The following PPOX variants were observed in gnomAD, a reference collection of about 807,000 sequenced individuals.
PPOX encodes the protein protoporphyrinogen oxidase.
Under a neutral mutation model 54.1 loss-of-function variants are expected in PPOX, and 23 were observed. The ratio of observed to expected loss-of-function variants is 0.43; its 90% CI spans 0.31 to 0.60. The LOEUF (loss-of-function observed/expected upper bound fraction) is 0.60. Ranked by LOEUF, PPOX falls within the 20% of genes least tolerant of loss-of-function variation. The pLI is 0.13. For missense variants in PPOX, 512 were observed against 601.1 expected (o/e 0.85, Z 1.55); for synonymous variants, 224 against 236.1 (o/e 0.95, Z 0.47).
intron 4 of PPOX, 27 bp downstream of exon 4, chr1:161,167,513 A>ACTGTGCCCT: frequency 6.4e-7 from 1 of 1,569,738 alleles, no homozygotes; most frequent in South Asian, 1.1e-5. Flanking sequence ...CGCTCCTTTT[A>ACTGTGCCCT]CTGTGCCCTC....
downstream of PPOX, chr1:161,175,293 T>G: frequency 7.0e-7 from 1 of 1,429,924 alleles, no homozygotes. Context: ...AAACTAGGGT[T>G]TGGGAATACC....
chr1:161,176,310 C>T (rs1299075099), intron 4 of PPOX: 5 of 575,358 alleles, frequency 8.7e-6, no homozygotes, highest in Non-Finnish European at 1.5e-5. Flanking sequence ...CCCCAAACCA[C>T]TCCCACCATC....
At chr1:161,166,128 A>C (rs1292388621), upstream of PPOX, 1 of 985,196 alleles carries the variant, frequency 1.0e-6, no homozygotes, top group Non-Finnish European at 1.2e-6. Flanking sequence ...CTACGACCAA[A>C]GCTCCTGCGG....
At chr1:161,173,133 T>C (rs1260497323), downstream of PPOX, among the ~76,000 whole-genome samples, 7 of 152,218 alleles carry the variant, frequency 4.6e-5, no homozygotes, top group Non-Finnish European at 1.5e-5. Context: ...CAAATATTCA[T>C]ACCACAGACA....
Position 161,167,104 on chromosome 1 carries a change from T to C in PPOX, c.92T>C (p.Val31Ala), listed in dbSNP as rs1317729795. ...GTCTCTCCCTCTTGTCGCCAGGTGGTCCTAGTGGAGAGCAGTGAGCGTCTG... is the reference window on the plus strand; with the variant it reads ...GTCTCTCCCTCTTGTCGCCAGGTGGCCCTAGTGGAGAGCAGTGAGCGTCTG... ...LSRAPCPPKV[V>A]LVESSERLGG... Residue 31 changes from valine to alanine, a missense_variant, in exon 3 of 13, where the codon GTC (valine) becomes GCC (alanine). Coordinates refer to ENST00000367999, the MANE Select transcript of PPOX (RefSeq NM_001122764.3). The C allele has an allele frequency of 1.9e-6, 3 of 1,614,006 alleles. No homozygotes were observed. Among genetic ancestry groups the C allele is most frequent in the African/African-American group, 2.7e-5 (2 of 74,896 alleles).
chr1:161,176,921 A>C (rs1372232931), exon 5 of PPOX: 2 of 1,536,202 alleles, frequency 1.3e-6, no homozygotes, highest in South Asian at 2.4e-5. Flanking sequence ...CCCAGGGCGA[A>C]GTAGGAAACA....
chr1:161,166,475 T>A lies in PPOX; in HGVS notation c.-206T>A. 2 of 1,247,900 alleles carry A rather than the reference T, an allele frequency of 1.6e-6. No individual in the cohort carries two copies. Among genetic ancestry groups the A allele is most frequent in the Non-Finnish European group, 2.0e-6 (2 of 983,042 alleles). The allele number at this position is 1,247,900 out of a possible 1,614,324, so 77.3% of individuals were successfully genotyped here. On this transcript the variant is annotated 5_prime_UTR_variant, in exon 1 of 13. In the 5' UTR this introduces an upstream ATG that the reference lacks. Transcript: ENST00000367999. ...AAGGCTGGGGGTGGGAGTAGCGGATTTGAAGCACTTGTTGGCCTACAGAGG... is the reference window on the plus strand; with the variant it reads ...AAGGCTGGGGGTGGGAGTAGCGGATATGAAGCACTTGTTGGCCTACAGAGG...
chr1:161,167,900 G>T, intron 4 of PPOX, 95 bp from the exon 5 acceptor site: 1 of 1,589,716 alleles, frequency 6.3e-7, no homozygotes, highest in Non-Finnish European at 8.6e-7. Context: ...AGCCTTCCCA[G>T]CAAAAGGAAG....
chr1:161,168,291 G>A, intron 5 of PPOX, 141 bp from the exon 6 acceptor site: 1 of 1,548,968 alleles, frequency 6.5e-7, no homozygotes. Flanking sequence ...TGGGAGTGAA[G>A]GCCTTCATTT....
At chr1:161,172,528 C>T (rs1158693827), downstream of PPOX, 3 of 580,312 alleles carry the variant, frequency 5.2e-6, no homozygotes, top group East Asian at 8.9e-5. Flanking sequence ...ATCCTCAGGG[C>T]CCAGTGCCAG....
chr1:161,171,284 C>T, downstream of PPOX: 2 of 1,566,586 alleles, frequency 1.3e-6, no homozygotes, highest in Non-Finnish European at 8.7e-7. Flanking sequence ...GCAAAGTGTG[C>T]CTGGGATGCA....
At chr1:161,167,034 CT>C (rs2101844327) in intron 2 of PPOX, 65 bp from the exon 3 acceptor site, 1 of 1,613,396 alleles carries the variant, frequency 6.2e-7, no homozygotes, top group East Asian at 2.2e-5. Flanking sequence ...GCCTCTTCCC[CT>C]CCCCTCCTGA....
downstream of PPOX, chr1:161,174,105 G>T: frequency 6.4e-7 from 1 of 1,569,190 alleles, no homozygotes. Context: ...GGAGAAAAGG[G>T]GGCTAAAGAA....
At position 161,170,395 on chromosome 1, in the gene PPOX, G is replaced by A. The variant is rs368545216; in HGVS notation, c.988-14G>A. On this transcript the variant is annotated splice_polypyrimidine_tract_variant and intron_variant, in intron 9 of 12. Transcript: ENST00000367999. ...AGCCCTTTCCTTCTGACGCATGAAT[G>A]TCCTTCTCTCCAGGGATTTGGACAT... The A allele has an allele frequency of 3.2e-6, 5 of 1,546,260 alleles. No individual in the cohort carries two copies. Among genetic ancestry groups the A allele is most frequent in the Non-Finnish European group, 8.8e-7 (1 of 1,138,308 alleles).
chr1:161,177,019 G>A (rs1663803005), exon 5 of PPOX: 1 of 1,536,018 alleles, frequency 6.5e-7, no homozygotes, highest in Non-Finnish European at 8.7e-7. Flanking sequence ...AACAGCCCCG[G>A]AGCTCGGCGG....
downstream of PPOX, chr1:161,173,756 C>T (rs761268452): frequency 9.9e-6 from 16 of 1,613,644 alleles, no homozygotes; most frequent in African/African-American, 5.3e-5. Context: ...TTGCATACCC[C>T]GAGTCTTCTG....
At chr1:161,167,722 G>C (rs985551209) in intron 4 of PPOX, 6 of 705,528 alleles carry the variant, frequency 8.5e-6, no homozygotes, top group Non-Finnish European at 2.3e-6. Context: ...CTACCACCAC[G>C]TCTGGCTAGT....
At chr1:161,176,782 C>A in intron 4 of PPOX, 1 of 1,401,606 alleles carries the variant, frequency 7.1e-7, no homozygotes, top group Non-Finnish European at 9.7e-7. Context: ...CCCCCGTACC[C>A]CCACCCCAAC....
chr1:161,177,256 C>A, downstream of PPOX: 1 of 625,752 alleles, frequency 1.6e-6, no homozygotes, highest in Non-Finnish European at 2.7e-6. Context: ...CTTGCTTTTG[C>A]CCTACCTACT....
Sources: gnomAD v4.1 joint callset for allele counts (sites outside exome capture counted in the v4.1 genomes callset) on GRCh38, gnomAD v4.1.1 for gene constraint, MANE v1.5 for transcripts, NCBI Gene and HGNC (gene_info 2026-07-23, HGNC 2026-07-21) for gene names.